The following CALN1 variants were observed in gnomAD, a reference collection of about 807,000 sequenced individuals.
CALN1 encodes the protein calneuron 1, also known as calcium-binding protein 8.
In CALN1, 17 loss-of-function variants were observed where a neutral mutation model predicts 30.6. The ratio of observed to expected loss-of-function variants is 0.56; its 90% confidence interval spans 0.38 to 0.83. The LOEUF is 0.83. Among genes scored for constraint, CALN1 ranks in the 40% least tolerant of loss-of-function variants. The pLI, the probability that CALN1 is intolerant of heterozygous loss-of-function variation, is 0.00. For synonymous variants in CALN1, 156 were observed against 131.4 expected, an observed-to-expected ratio of 1.19 and a Z score of -1.28; for missense variants, 291 against 354.9, an observed-to-expected ratio of 0.82 and a Z score of 1.45.
chr7:71,975,038 C>T (rs1354728365), intron 5 of CALN1, among the ~76,000 whole-genome samples: 14 of 152,196 alleles, frequency 9.2e-5, no homozygotes, highest in Admixed American at 8.5e-4. Context: ...AAATCCCACC[C>T]AACCAGCTGG....
At chr7:72,311,100 G>C (rs1800014179) in intron 2 of CALN1, among the ~76,000 whole-genome samples, 1 of 151,880 alleles carries the variant, frequency 6.6e-6, no homozygotes, top group Non-Finnish European at 1.5e-5. Flanking sequence ...ACCCCTTGGG[G>C]AACAAGACCA....
chr7:72,338,651 T>G (rs923271467), intron 2 of CALN1, among the ~76,000 whole-genome samples: 3 of 152,090 alleles, frequency 2.0e-5, no homozygotes, highest in African/African-American at 4.8e-5. Flanking sequence ...CTAGTAATCT[T>G]TTTTAAATAT....
chr7:72,241,901 C>A (rs1794864508), intron 3 of CALN1, among the ~76,000 whole-genome samples: 2 of 152,092 alleles, frequency 1.3e-5, no homozygotes, highest in African/African-American at 2.4e-5. Context: ...GTCATTTAAG[C>A]TTTTGAGTAT....
At chr7:72,030,206 CT>C (rs1319104031) in intron 4 of CALN1, among the ~76,000 whole-genome samples, 4 of 151,692 alleles carry the variant, frequency 2.6e-5, no homozygotes, top group Non-Finnish European at 5.9e-5. Flanking sequence ...AAACAGTCTT[CT>C]TTTCTCATGC....
intron 2 of CALN1, among the ~76,000 whole-genome samples, chr7:72,353,808 T>C (rs1803073228): frequency 6.6e-6 from 1 of 152,066 alleles, no homozygotes; most frequent in Non-Finnish European, 1.5e-5. Context: ...AAAATAAGGG[T>C]ATTTGAATGA....
upstream of CALN1, among the ~76,000 whole-genome samples, chr7:72,451,188 GAGAAGAAGAAGA>G (rs758368072): frequency 8.0e-6 from 1 of 125,014 alleles, no homozygotes; most frequent in Non-Finnish European, 1.6e-5. Flanking sequence ...GCAGGAGGAG[GAGAAGAAGAAGA>G]AGAAGAAGAA....
At chr7:72,198,493 A>G (rs1406747445) in intron 3 of CALN1, among the ~76,000 whole-genome samples, 3 of 152,180 alleles carry the variant, frequency 2.0e-5, no homozygotes, top group Admixed American at 1.3e-4. Context: ...TTGTCCTGAC[A>G]TCGAACTCTC....
At chr7:72,186,108 C>G (rs939229221) in intron 3 of CALN1, among the ~76,000 whole-genome samples, 1 of 152,118 alleles carries the variant, frequency 6.6e-6, no homozygotes, top group Non-Finnish European at 1.5e-5. Flanking sequence ...GGCCATGAAC[C>G]ATGGAGTGCT....
chr7:72,413,304 C>T (rs899204991), upstream of CALN1, among the ~76,000 whole-genome samples: 25 of 149,990 alleles, frequency 1.7e-4, no homozygotes, highest in East Asian at 3.9e-4. Context: ...TACACACACA[C>T]GTATACATAC....
chr7:72,110,562 T>C (rs1194029055), intron 3 of CALN1, among the ~76,000 whole-genome samples: 1 of 151,958 alleles, frequency 6.6e-6, no homozygotes, highest in Non-Finnish European at 1.5e-5. Flanking sequence ...TCTATTTGCA[T>C]AGGGAGCTCC....
intron 2 of CALN1, among the ~76,000 whole-genome samples, chr7:72,349,143 A>T (rs1326050298): frequency 6.6e-6 from 1 of 152,146 alleles, no homozygotes; most frequent in Non-Finnish European, 1.5e-5. Context: ...AAAAATAGAA[A>T]CTGAAGCAGA....
At chr7:72,347,711 C>G (rs574461631) in intron 2 of CALN1, among the ~76,000 whole-genome samples, 1 of 152,248 alleles carries the variant, frequency 6.6e-6, no homozygotes, top group African/African-American at 2.4e-5. Context: ...CTTTGGTGCA[C>G]TAAAAGAAAA....
At chr7:72,347,137 A>T (rs1201361514) in intron 2 of CALN1, among the ~76,000 whole-genome samples, 2 of 152,236 alleles carry the variant, frequency 1.3e-5, no homozygotes, top group African/African-American at 2.4e-5. Context: ...TAAGCCACAG[A>T]TTCAGGAAGT....
chr7:72,276,605 A>G (rs567823523), intron 3 of CALN1, among the ~76,000 whole-genome samples: 4 of 152,046 alleles, frequency 2.6e-5, no homozygotes, highest in African/African-American at 9.6e-5. Context: ...ATCTGCCCTC[A>G]TGAATGGATT....
intron 3 of CALN1, among the ~76,000 whole-genome samples, chr7:72,190,697 T>C (rs528203296): frequency 2.0e-5 from 3 of 152,258 alleles, no homozygotes; most frequent in East Asian, 1.9e-4. Flanking sequence ...TTGAGTCCTT[T>C]GTACCTTGAA....
chr7:72,241,864 T>C (rs564278900), intron 3 of CALN1, among the ~76,000 whole-genome samples: 8 of 152,294 alleles, frequency 5.3e-5, no homozygotes, highest in Non-Finnish European at 7.4e-5. Flanking sequence ...AGTTTACGCA[T>C]TTAAAATCCC....
At chr7:72,046,749 C>G (rs1285330785) in intron 4 of CALN1, among the ~76,000 whole-genome samples, 1 of 118,652 alleles carries the variant, frequency 8.4e-6, no homozygotes, top group African/African-American at 3.1e-5. Context: ...GGATTGAAAA[C>G]TAAGGCCAGG....
chr7:72,188,242 G>A (rs7791150), intron 3 of CALN1, among the ~76,000 whole-genome samples: 150,746 of 152,278 alleles, frequency 0.99, 74,630 homozygotes, highest in Middle Eastern at 1. Flanking sequence ...TCAATCAACA[G>A]GTGGATAAAG....
chr7:71,925,972 G>T (rs1340369262), intron 5 of CALN1, among the ~76,000 whole-genome samples: 1 of 152,146 alleles, frequency 6.6e-6, no homozygotes, highest in Non-Finnish European at 1.5e-5. Flanking sequence ...TCCTGCCTCA[G>T]CTTCCCGAGT....
Sources: allele counts gnomAD v4.1 joint callset (sites outside exome capture counted in the v4.1 genomes callset), GRCh38; gene constraint gnomAD v4.1.1; transcripts MANE v1.5; gene names NCBI Gene and HGNC (gene_info 2026-07-23, HGNC 2026-07-21).